The following PAK5 variants were observed in gnomAD, a reference collection of about 807,000 sequenced individuals.
The protein encoded by PAK5 is p21 (RAC1) activated kinase 5.
Under a neutral mutation model 65.9 loss-of-function variants are expected in PAK5, and 16 were observed. The ratio of observed to expected loss-of-function variants is 0.24; its 90% CI spans 0.16 to 0.37. PAK5 has a LOEUF of 0.37. Ranked by LOEUF, PAK5 falls within the 10% of genes least tolerant of loss-of-function variation. PAK5 has a pLI of 1.00. For missense variants in PAK5, 785 were observed against 903.9 expected (o/e 0.87, Z 1.69); for synonymous variants, 371 against 354.9 (o/e 1.05, Z -0.51).
At chr20:9,784,423 G>T (rs1198616152) in intron 1 of PAK5, 1 of 152,206 alleles carries the variant, frequency 6.6e-6, no homozygotes, top group African/African-American at 2.4e-5. Context: ...GGTTGGAACT[G>T]CAGACACAGA....
At position 9,564,899 on chromosome 20, in the gene PAK5, AAAT is replaced by A. The variant is rs1465823379; in HGVS notation, c.1482+991_1482+993del. Among the ~76,000 whole-genome samples the A allele has an allele frequency of 7.9e-5, 12 of 151,934 alleles. No homozygotes were observed. In the East Asian group the frequency reaches 1.7e-3, roughly 22 times the overall value. On this transcript the variant is annotated intron_variant, in intron 5 of 9. Coordinates refer to ENST00000353224, the MANE Select transcript of PAK5 (RefSeq NM_177990.4). Reference sequence around the variant, plus strand: ...AATATATTTTATTTTACATTAATAAAAATAAGTAATGTATGCTGATATATTTTA... The same window carrying A: ...AATATATTTTATTTTACATTAATAAAAAGTAATGTATGCTGATATATTTTA...
At chr20:9,707,569 G>A (rs1387263565) in intron 2 of PAK5, among the ~76,000 whole-genome samples, 1 of 152,124 alleles carries the variant, frequency 6.6e-6, no homozygotes. Flanking sequence ...CTCTAACCAG[G>A]AGGTACAGTC....
chr20:9,610,205 G>A (rs576761612), intron 3 of PAK5, among the ~76,000 whole-genome samples: 1 of 152,256 alleles, frequency 6.6e-6, no homozygotes, highest in South Asian at 2.1e-4. Flanking sequence ...AAACTTCACA[G>A]TTATTTTTAT....
At chr20:9,681,050 G>T (rs2050109) in intron 2 of PAK5, among the ~76,000 whole-genome samples, 1 of 151,932 alleles carries the variant, frequency 6.6e-6, no homozygotes, top group African/African-American at 2.4e-5. Flanking sequence ...CAATTTTTGC[G>T]TCTATGTTGA....
intron 2 of PAK5, among the ~76,000 whole-genome samples, chr20:9,683,961 T>G (rs541674680): frequency 6.6e-6 from 1 of 152,308 alleles, no homozygotes; most frequent in Non-Finnish European, 1.5e-5. Context: ...AGCTTTCTCT[T>G]TCTCCTCACA....
intron 1 of PAK5, among the ~76,000 whole-genome samples, chr20:9,816,615 C>A (rs535300891): frequency 6.6e-6 from 1 of 152,204 alleles, no homozygotes; most frequent in East Asian, 1.9e-4. Flanking sequence ...TCTCTGCACT[C>A]CTGGTTCTCA....
At chr20:9,576,978 C>T (rs1279386407) in intron 4 of PAK5, among the ~76,000 whole-genome samples, 1 of 152,212 alleles carries the variant, frequency 6.6e-6, no homozygotes, top group Non-Finnish European at 1.5e-5. Flanking sequence ...TAGGTGGCTG[C>T]CTGGTCTCTG....
rs560567716 is a variant in PAK5, at chr20:9,802,292, G to A, written c.-162+36470C>T. 7.2e-5 allele frequency among the ~76,000 whole-genome samples: 11 copies of A among 152,200 alleles called. No homozygotes were observed. In the East Asian group the frequency reaches 7.7e-4, roughly 11 times the overall value. On this transcript the variant is annotated intron_variant, in intron 1 of 9. Transcript: ENST00000353224. ...GTGAGGTTAGCTAGGTTGTACTCAC[G>A]AGACAATGGCTGGAGGTCTTAATGG... is the stretch of plus-strand genomic sequence containing the variant.
intron 2 of PAK5, among the ~76,000 whole-genome samples, chr20:9,672,913 T>G (rs1012482004): frequency 6.6e-6 from 1 of 152,200 alleles, no homozygotes; most frequent in African/African-American, 2.4e-5. Flanking sequence ...AGGCAGCAAA[T>G]GCAATTCCTG....
intron 1 of PAK5, among the ~76,000 whole-genome samples, chr20:9,811,868 G>A (rs1398476591): frequency 1.3e-5 from 2 of 152,136 alleles, no homozygotes; most frequent in Non-Finnish European, 2.9e-5. Flanking sequence ...TATGGAGTCA[G>A]ACTGCCTTCT....
At chr20:9,743,651 T>C (rs1374580789) in intron 1 of PAK5, among the ~76,000 whole-genome samples, 1 of 152,176 alleles carries the variant, frequency 6.6e-6, no homozygotes, top group African/African-American at 2.4e-5. Flanking sequence ...TATTTTTTGC[T>C]AGTTATCAGT....
chr20:9,596,870 C>T (rs999615308), intron 3 of PAK5, among the ~76,000 whole-genome samples: 17 of 152,210 alleles, frequency 1.1e-4, no homozygotes, highest in Middle Eastern at 3.4e-3. Flanking sequence ...CATAAATGCC[C>T]CAGGTATCTC....
chr20:9,677,493 C>G (rs1410509766), intron 2 of PAK5, among the ~76,000 whole-genome samples: 1 of 152,170 alleles, frequency 6.6e-6, no homozygotes, highest in Non-Finnish European at 1.5e-5. Flanking sequence ...TGTGACCACA[C>G]TTAAGTTTAG....
intron 2 of PAK5, among the ~76,000 whole-genome samples, chr20:9,650,425 T>A (rs2047188409): frequency 6.6e-6 from 1 of 151,990 alleles, no homozygotes; most frequent in South Asian, 2.1e-4. Flanking sequence ...AGGCAATTTG[T>A]AGGTGGAGAA....
intron 1 of PAK5, among the ~76,000 whole-genome samples, chr20:9,801,470 C>T (rs1305519313): frequency 6.6e-6 from 1 of 150,622 alleles, no homozygotes; most frequent in Non-Finnish European, 1.5e-5. Flanking sequence ...AACTGTGAGA[C>T]TTGTATATAT....
intron 1 of PAK5, among the ~76,000 whole-genome samples, chr20:9,806,132 T>TTTTAGTTA (rs1569095785): frequency 6.9e-6 from 1 of 145,976 alleles, no homozygotes; most frequent in Non-Finnish European, 1.5e-5. Context: ...GCCCAGCTAA[T>TTTTAGTTA]TTTATTTATT....
chr20:9,556,386 A>C (rs2045507344), intron 7 of PAK5, among the ~76,000 whole-genome samples: 1 of 152,362 alleles, frequency 6.6e-6, no homozygotes, highest in African/African-American at 2.4e-5. Context: ...TAAAACAACA[A>C]GAAAGAAAAG....
intron 2 of PAK5, among the ~76,000 whole-genome samples, chr20:9,668,174 T>A (rs2047445258): frequency 6.6e-6 from 1 of 152,164 alleles, no homozygotes; most frequent in Non-Finnish European, 1.5e-5. Context: ...AGCTCTCTCA[T>A]ACAACCTAAG....
chr20:9,617,202 A>C (rs1159512848), intron 3 of PAK5, among the ~76,000 whole-genome samples: 1 of 152,174 alleles, frequency 6.6e-6, no homozygotes, highest in East Asian at 1.9e-4. Flanking sequence ...GCTTCAATAC[A>C]TCTGATGTGT....
Sources: allele counts gnomAD v4.1 joint callset (sites outside exome capture counted in the v4.1 genomes callset), GRCh38; gene constraint gnomAD v4.1.1; transcripts MANE v1.5; gene names NCBI Gene and HGNC (gene_info 2026-07-23, HGNC 2026-07-21).